Variants in PTPRT observed in about 807,000 individuals in gnomAD.
PTPRT encodes receptor-type tyrosine-protein phosphatase T.
In PTPRT, 56 loss-of-function variants were observed where a neutral mutation model predicts 176.8. The observed-to-expected ratio is 0.32, with a 90% CI of 0.26 to 0.40. The LOEUF (loss-of-function observed/expected upper bound fraction) is 0.40, where lower values mean the gene tolerates loss of function less well. Ranked by LOEUF, PTPRT falls within the 10% of genes least tolerant of loss-of-function variation. The probability of loss-of-function intolerance (pLI) is 1.00; values close to 1 mark genes in which losing one functional copy is unlikely to be tolerated. For synonymous variants in PTPRT, 783 were observed against 739.0 expected (o/e 1.06, Z -0.96); for missense variants, 1,540 against 1,908.2 (o/e 0.81, Z 3.60).
At chr20:42,502,186 TTAAG>T (rs1568932892) in intron 7 of PTPRT, among the ~76,000 whole-genome samples, 1 of 152,110 alleles carries the variant, frequency 6.6e-6, no homozygotes, top group Non-Finnish European at 1.5e-5. Context: ...TCATTCATCA[TTAAG>T]TATTTTAATA....
chr20:42,205,803 T>C (rs1405251814), intron 15 of PTPRT, among the ~76,000 whole-genome samples: 4 of 152,102 alleles, frequency 2.6e-5, no homozygotes, highest in Non-Finnish European at 4.4e-5. Flanking sequence ...GTCAGAGATC[T>C]CAGCCATAGG....
At chr20:42,666,217 T>C (rs1228057731) in intron 7 of PTPRT, among the ~76,000 whole-genome samples, 1 of 152,232 alleles carries the variant, frequency 6.6e-6, no homozygotes, top group Non-Finnish European at 1.5e-5. Context: ...GAAAATTCCA[T>C]ACTTGTAAAG....
intron 1 of PTPRT, among the ~76,000 whole-genome samples, chr20:42,970,500 C>A (rs1051043680): frequency 6.6e-6 from 1 of 152,124 alleles, no homozygotes; most frequent in Admixed American, 6.5e-5. Context: ...AATAGTTATG[C>A]GACCTTGACA....
intron 7 of PTPRT, among the ~76,000 whole-genome samples, chr20:42,566,327 G>T (rs929617179): frequency 1.3e-5 from 2 of 152,044 alleles, no homozygotes; most frequent in Non-Finnish European, 2.9e-5. Flanking sequence ...ATAGACACGG[G>T]TTCTCCCTTT....
intron 2 of PTPRT, among the ~76,000 whole-genome samples, chr20:42,875,408 TG>T (rs1201784678): frequency 2.0e-5 from 3 of 152,198 alleles, no homozygotes; most frequent in Non-Finnish European, 2.9e-5. Context: ...TAGCACTGAT[TG>T]GGGTCACTGC....
At chr20:42,144,635 A>G (rs1157513828) in intron 17 of PTPRT, among the ~76,000 whole-genome samples, 1 of 152,218 alleles carries the variant, frequency 6.6e-6, no homozygotes, top group Non-Finnish European at 1.5e-5. Context: ...GAACAGCTAT[A>G]GAAAAGCTGC....
rs778664999 is a variant in PTPRT at position 42,075,121 on chromosome 20, C to T, written c.*5758G>A. 12 of 337,588 alleles carry T rather than the reference C, an allele frequency of 3.6e-5. No homozygotes were observed. The highest frequency in any genetic ancestry group is 9.6e-5 in the Admixed American group (2 of 20,822). 20.9% of individuals were successfully genotyped at this position (337,588 alleles called of 1,614,324 possible). A position where few individuals can be genotyped will look rare whatever the true frequency, so the allele number is the denominator to read the frequency against. On this transcript the variant is annotated 3_prime_UTR_variant, in exon 31 of 31. Coordinates refer to ENST00000373187, the MANE Select transcript of PTPRT (RefSeq NM_007050.6). ...CTTCTAGACATGTATACATGGAAAACCTCCAACAGGGAAACTTTGCATGGG... is the reference window on the plus strand; with the variant it reads ...CTTCTAGACATGTATACATGGAAAATCTCCAACAGGGAAACTTTGCATGGG...
At chr20:42,898,279 C>G (rs1332756718) in intron 1 of PTPRT, among the ~76,000 whole-genome samples, 1 of 152,130 alleles carries the variant, frequency 6.6e-6, no homozygotes, top group Non-Finnish European at 1.5e-5. Context: ...CATATCATAG[C>G]TCACTTGAAG....
intron 1 of PTPRT, among the ~76,000 whole-genome samples, chr20:42,964,321 G>T (rs1303120538): frequency 2.0e-5 from 3 of 151,756 alleles, no homozygotes; most frequent in African/African-American, 7.3e-5. Context: ...GGATTTAATA[G>T]GAAAATGTCA....
intron 1 of PTPRT, among the ~76,000 whole-genome samples, chr20:42,973,093 A>G (rs1439711716): frequency 6.6e-6 from 1 of 151,854 alleles, no homozygotes; most frequent in African/African-American, 2.4e-5. Flanking sequence ...AGGCTACCAC[A>G]GTGGTCCAGG....
At chr20:42,051,641 A>G in the PTPRT span, among the ~76,000 whole-genome samples, 16 of 152,268 alleles carry the variant, frequency 1.1e-4, no homozygotes, top group South Asian at 2.1e-4. Flanking sequence ...ACTACTTCTA[A>G]TTTTGGGGAA....
At chr20:42,368,073 G>T (rs1460662599) in intron 9 of PTPRT, among the ~76,000 whole-genome samples, 2 of 152,170 alleles carry the variant, frequency 1.3e-5, no homozygotes, top group Non-Finnish European at 2.9e-5. Flanking sequence ...CCACCTCCAT[G>T]CTTCCTGGGC....
chr20:43,083,360 ATATATAT>A (rs1568774296), intron 1 of PTPRT, among the ~76,000 whole-genome samples: 1 of 127,390 alleles, frequency 7.8e-6, no homozygotes, highest in African/African-American at 3.3e-5. Context: ...ATATATATAT[ATATATAT>A]ATACATTTTT....
chr20:42,830,939 A>C (rs2078073668), intron 2 of PTPRT, among the ~76,000 whole-genome samples: 1 of 152,250 alleles, frequency 6.6e-6, no homozygotes, highest in African/African-American at 2.4e-5. Context: ...GATAGGAAGA[A>C]TTAAATCATT....
intron 1 of PTPRT, among the ~76,000 whole-genome samples, chr20:43,154,236 A>G (rs1247269966): frequency 6.6e-6 from 1 of 152,222 alleles, no homozygotes; most frequent in Non-Finnish European, 1.5e-5. Flanking sequence ...TCTTCTGCAT[A>G]TGGATATCCA....
intron 1 of PTPRT, among the ~76,000 whole-genome samples, chr20:43,132,820 T>A (rs2013687647): frequency 6.6e-6 from 1 of 152,140 alleles, no homozygotes; most frequent in African/African-American, 2.4e-5. Flanking sequence ...ATAGATGATG[T>A]TAGGACAACT....
intron 18 of PTPRT, among the ~76,000 whole-genome samples, chr20:42,138,797 A>G (rs987312969): frequency 1.3e-5 from 2 of 152,172 alleles, no homozygotes; most frequent in Admixed American, 1.3e-4. Flanking sequence ...AATTCTAAAT[A>G]GAATCACTTG....
At chr20:43,034,117 T>C (rs1986269543) in intron 1 of PTPRT, among the ~76,000 whole-genome samples, 1 of 152,194 alleles carries the variant, frequency 6.6e-6, no homozygotes, top group Non-Finnish European at 1.5e-5. Context: ...GACTGTGTGT[T>C]CCATTCTAGA....
chr20:42,370,284 C>T (rs2058570127), intron 9 of PTPRT, among the ~76,000 whole-genome samples: 1 of 152,160 alleles, frequency 6.6e-6, no homozygotes, highest in Non-Finnish European at 1.5e-5. Flanking sequence ...TGTCGGAATC[C>T]TCAGGCACCA....
Sources: gnomAD v4.1 joint callset for allele counts (sites outside exome capture counted in the v4.1 genomes callset) on GRCh38, gnomAD v4.1.1 for gene constraint, MANE v1.5 for transcripts, NCBI Gene and HGNC (gene_info 2026-07-23, HGNC 2026-07-21) for gene names.